SORCS1: variants seen among roughly 807,000 people sequenced by gnomAD.
SORCS1 encodes sortilin related VPS10 domain containing receptor 1, also known as VPS10 domain-containing receptor SorCS1.
A neutral mutation model predicts 146.1 loss-of-function variants in SORCS1; 60 were observed. That is an observed-to-expected ratio of 0.41 (90% CI 0.33 to 0.51). The LOEUF (loss-of-function observed/expected upper bound fraction) is 0.51, where lower values mean the gene tolerates loss of function less well. Among genes scored for constraint, SORCS1 ranks in the 20% least tolerant of loss-of-function variants. SORCS1 has a pLI of 0.21. For synonymous variants in SORCS1, 637 were observed against 584.0 expected (o/e 1.09, Z -1.31); for missense variants, 1,352 against 1,487.6 (o/e 0.91, Z 1.50).
At chr10:107,070,571 T>A (rs1285287755) in intron 1 of SORCS1, among the ~76,000 whole-genome samples, 10 of 152,202 alleles carry the variant, frequency 6.6e-5, no homozygotes, top group Non-Finnish European at 1.5e-4. Context: ...GGCTACAAAA[T>A]CAGAGTTCCA....
intron 1 of SORCS1, among the ~76,000 whole-genome samples, chr10:106,963,638 A>G (rs546476586): frequency 7.9e-5 from 12 of 151,812 alleles, no homozygotes; most frequent in African/African-American, 2.9e-4. Flanking sequence ...CAATAAATAT[A>G]ACTTTAATAA....
chr10:106,802,402 G>A (rs1235747135), intron 3 of SORCS1, among the ~76,000 whole-genome samples: 2 of 152,122 alleles, frequency 1.3e-5, no homozygotes, highest in Non-Finnish European at 2.9e-5. Flanking sequence ...CACGATCACA[G>A]CTCACTGCAA....
At chr10:106,606,272 TATACACACACACACAC>T (rs1169814643) in intron 23 of SORCS1, among the ~76,000 whole-genome samples, 65 of 107,842 alleles carry the variant, frequency 6.0e-4, no homozygotes, top group South Asian at 3.3e-3. Flanking sequence ...CACACACAGA[TATACACACACACACAC>T]ACACACACAC....
chr10:106,598,025 C>T (rs181286285), intron 23 of SORCS1, among the ~76,000 whole-genome samples: 4 of 152,086 alleles, frequency 2.6e-5, no homozygotes, highest in Admixed American at 1.3e-4. Flanking sequence ...ACACGGATAC[C>T]GGGCAGACCC....
At chr10:106,811,756 C>T (rs766780915) in intron 3 of SORCS1, among the ~76,000 whole-genome samples, 1 of 152,190 alleles carries the variant, frequency 6.6e-6, no homozygotes, top group Non-Finnish European at 1.5e-5. Context: ...CTTCATTGAG[C>T]AGTTGCTATT....
intron 10 of SORCS1, among the ~76,000 whole-genome samples, chr10:106,687,192 G>C (rs917012571): frequency 6.6e-6 from 1 of 152,174 alleles, no homozygotes; most frequent in African/African-American, 2.4e-5. Flanking sequence ...GAGCTACTAA[G>C]AGGAATAAGA....
chr10:107,129,327 C>T lies in SORCS1; in HGVS notation c.558+34642G>A, dbSNP rs188903292. The stretch of plus-strand genomic sequence containing the variant: ...TAACTAGAATTTAGTTGCCGTGGGA[C>T]GAAAGAACATAGAATAAATCCATCA... On this transcript the variant is annotated intron_variant, in intron 1 of 25. Coordinates refer to ENST00000263054, the MANE Select transcript of SORCS1 (RefSeq NM_052918.5). Among the ~76,000 whole-genome samples, 345 of 152,202 alleles carry T rather than the reference C, an allele frequency of 2.3e-3. 1 individual carries two copies. The highest frequency in any genetic ancestry group is 3.2e-3 in the Non-Finnish European group (218 of 68,018).
At position 106,612,119 on chromosome 10, in the gene SORCS1, C is replaced by T. The variant is rs571287292; in HGVS notation, c.2921-96G>A. 1.8e-4 allele frequency: 163 copies of T among 904,818 alleles called. No homozygotes were observed. The East Asian group carries it at 3.4e-3, about 19-fold the overall frequency. 56.0% of individuals were successfully genotyped at this position (904,818 alleles called of 1,614,324 possible). A position where few individuals can be genotyped will look rare whatever the true frequency, so the allele number is the denominator to read the frequency against. ...TTTTATACAAAATGGAGGGTCCTTC[C>T]CCTTCACTTACCATAGGGACCTTTT... On this transcript the variant is annotated intron_variant, in intron 21 of 25. Transcript: ENST00000263054.
At chr10:106,579,100 G>T in intron 25 of SORCS1, 1 of 1,613,916 alleles carries the variant, frequency 6.2e-7, no homozygotes, top group South Asian at 1.1e-5. Context: ...CCTATGAGCT[G>T]GGATTCCACC....
intron 5 of SORCS1, among the ~76,000 whole-genome samples, chr10:106,750,415 C>T (rs181387123): frequency 1.3e-5 from 2 of 152,048 alleles, no homozygotes; most frequent in East Asian, 1.9e-4. Context: ...GTAAAACTTG[C>T]TAATCACAGG....
rs755488984 is a variant in SORCS1, at chr10:106,620,380, C to T, written c.2796+48G>A. 1.0e-5 allele frequency: 16 copies of T among 1,578,162 alleles called. No individual in the cohort carries two copies. The South Asian group carries it at 1.5e-4, about 15-fold the overall frequency. On this transcript the variant is annotated intron_variant, in intron 20 of 25. Transcript: ENST00000263054. ...TCATTCCCTCCTTTGCTTCAGGCAG[C>T]GTGAATTGAGCTTCTGTCCCTAGAT...
At chr10:106,727,902 A>G (rs1215575308) in intron 6 of SORCS1, among the ~76,000 whole-genome samples, 3 of 152,214 alleles carry the variant, frequency 2.0e-5, no homozygotes, top group African/African-American at 7.2e-5. Flanking sequence ...ACCCGCCTAA[A>G]GGCCTGCAGG....
chr10:106,603,784 T>C (rs1314021146), intron 23 of SORCS1, among the ~76,000 whole-genome samples: 1 of 152,220 alleles, frequency 6.6e-6, no homozygotes, highest in Non-Finnish European at 1.5e-5. Flanking sequence ...GTATAATTTA[T>C]GATACCAGAA....
intron 18 of SORCS1, among the ~76,000 whole-genome samples, chr10:106,645,481 C>A (rs888611911): frequency 6.6e-6 from 1 of 152,166 alleles, no homozygotes; most frequent in African/African-American, 2.4e-5. Flanking sequence ...GTGTAAGCCA[C>A]TGCACCCAGC....
intron 5 of SORCS1, among the ~76,000 whole-genome samples, chr10:106,738,252 C>T (rs2486151): frequency 0.43 from 64,864 of 151,912 alleles, 15,834 homozygotes; most frequent in Admixed American, 0.6. Flanking sequence ...TGTATATATG[C>T]GATTGTCTAA....
the SORCS1 span, among the ~76,000 whole-genome samples, chr10:107,178,501 TA>T: frequency 1.1e-4 from 17 of 149,180 alleles, 1 homozygote; most frequent in African/African-American, 4.2e-4. Flanking sequence ...TATATATATA[TA>T]TTTTTTTTTA....
At chr10:107,140,142 T>TACC (rs1967690313) in intron 1 of SORCS1, among the ~76,000 whole-genome samples, 1 of 152,236 alleles carries the variant, frequency 6.6e-6, no homozygotes, top group African/African-American at 2.4e-5. Context: ...TTCTGTTATC[T>TACC]ACCATTCAAA....
rs140057162 is a variant in SORCS1, at chr10:106,594,485, A to T, written c.3265+2866T>A. Among the ~76,000 whole-genome samples the T allele has an allele frequency of 3.3e-5, 5 of 152,332 alleles. No homozygotes were observed. In the East Asian group the frequency reaches 9.6e-4, roughly 29 times the overall value. On this transcript the variant is annotated intron_variant, in intron 24 of 25. Coordinates refer to ENST00000263054, the MANE Select transcript of SORCS1 (RefSeq NM_052918.5). ...ATTATCTTCCAAAATGATCTGAACC[A>T]TCATTAGAGCATAATGCAATAATCA... is the stretch of plus-strand genomic sequence containing the variant.
At chr10:106,640,670 T>G (rs140393182) in intron 18 of SORCS1, among the ~76,000 whole-genome samples, 73 of 152,356 alleles carry the variant, frequency 4.8e-4, no homozygotes, top group African/African-American at 1.6e-3. Flanking sequence ...CTTCAGGTTC[T>G]TGCATTGGAT....
Sources: allele counts gnomAD v4.1 joint callset (sites outside exome capture counted in the v4.1 genomes callset), GRCh38; gene constraint gnomAD v4.1.1; transcripts MANE v1.5; gene names NCBI Gene and HGNC (gene_info 2026-07-23, HGNC 2026-07-21).